Variants in PDE5A observed in about 807,000 individuals in gnomAD.
PDE5A encodes the protein cGMP-specific 3',5'-cyclic phosphodiesterase.
A neutral mutation model predicts 110.2 loss-of-function variants in PDE5A; 67 were observed. The ratio of observed to expected loss-of-function variants is 0.61; its 90% CI spans 0.50 to 0.75. PDE5A has a LOEUF of 0.75. Ranked by LOEUF, PDE5A falls within the 30% of genes least tolerant of loss-of-function variation. The pLI, the probability that PDE5A is intolerant of heterozygous loss-of-function variation, is 0.00. For synonymous variants in PDE5A, 328 were observed against 351.2 expected (o/e 0.93, Z 0.74); for missense variants, 862 against 1,045.1 (o/e 0.82, Z 2.42).
At chr4:119,568,433 G>C (rs59732491) in intron 3 of PDE5A, among the ~76,000 whole-genome samples, 39,133 of 152,006 alleles carry the variant, frequency 0.26, 5,220 homozygotes, top group East Asian at 0.38. Flanking sequence ...GTATAATTTG[G>C]TTATTTTAAA....
intron 3 of PDE5A, among the ~76,000 whole-genome samples, chr4:119,579,856 C>CACG (rs1448211294): frequency 6.6e-6 from 1 of 151,762 alleles, no homozygotes; most frequent in African/African-American, 2.4e-5. Flanking sequence ...AAAAAAAGAT[C>CACG]TGTGAGTTTC....
At chr4:119,536,527 T>C (rs1480940) in intron 11 of PDE5A, among the ~76,000 whole-genome samples, 40,010 of 152,080 alleles carry the variant, frequency 0.26, 5,396 homozygotes, top group East Asian at 0.38. Flanking sequence ...TGAAAAACTG[T>C]TCATCACTTC....
chr4:119,547,456 A>G (rs1406057265), intron 9 of PDE5A, among the ~76,000 whole-genome samples: 2 of 151,310 alleles, frequency 1.3e-5, no homozygotes, highest in African/African-American at 4.9e-5. Flanking sequence ...CTTCTCATGT[A>G]TATACTTATT....
intron 14 of PDE5A, among the ~76,000 whole-genome samples, chr4:119,511,999 A>C (rs1725759369): frequency 6.6e-6 from 1 of 152,104 alleles, no homozygotes; most frequent in African/African-American, 2.4e-5. Context: ...CTGTTCATAA[A>C]ATTTATAGGA....
chr4:119,505,421 G>C (rs1430069978), intron 17 of PDE5A, among the ~76,000 whole-genome samples: 2 of 151,928 alleles, frequency 1.3e-5, no homozygotes, highest in African/African-American at 4.8e-5. Flanking sequence ...TAATCATAGA[G>C]ACTTAATAGT....
Position 119,501,227 on chromosome 4 carries a change from G to GT in PDE5A, c.2432dup (p.Asn811LysfsTer20). The GT allele has an allele frequency of 1.9e-6, 3 of 1,610,502 alleles. No individual in the cohort carries two copies. Among genetic ancestry groups the GT allele is most frequent in the Non-Finnish European group, 2.5e-6 (3 of 1,176,950 alleles). On this transcript the variant is annotated frameshift_variant, in exon 20 of 21. Transcript: ENST00000354960. LOFTEE classifies it high-confidence loss of function. Reference sequence around the variant, plus strand: ...ACCCAACTTGCATACTTGGGATTTTGTTTTTCTTCTCCCTGTTCATTAGAT... The same window carrying GT: ...ACCCAACTTGCATACTTGGGATTTTGTTTTTTCTTCTCCCTGTTCATTAGAT...
intron 3 of PDE5A, among the ~76,000 whole-genome samples, chr4:119,593,221 A>T (rs1178117243): frequency 6.6e-6 from 1 of 152,218 alleles, no homozygotes; most frequent in Non-Finnish European, 1.5e-5. Context: ...CTGCCCTCCT[A>T]TGTATTTACC....
In PDE5A at chr4:119,498,634, A is replaced by G; in HGVS notation, c.2595T>C (p.Ile865=). The change falls in exon 21 of 21, where the codon ATT becomes ATC. Residue 865 remains isoleucine (I), a synonymous_variant. Coordinates refer to ENST00000354960, the MANE Select transcript of PDE5A (RefSeq NM_001083.4). Reference sequence around the variant, plus strand: ...GCTTGGCCTGGCCGCTTTCCCCATTAATCAGCATCTTCTCCTGCTGTTCTG... The same window carrying G: ...GCTTGGCCTGGCCGCTTTCCCCATTGATCAGCATCTTCTCCTGCTGTTCTG... ...ALAEQQEKML[I]NGESGQAKRN is the part of the protein sequence containing the mutation. The G allele has an allele frequency of 1.2e-6, 2 of 1,613,982 alleles. No individual in the cohort carries two copies. The highest frequency in any genetic ancestry group is 1.3e-5 in the African/African-American group (1 of 75,026).
chr4:119,539,552 C>A (rs1464141114), intron 10 of PDE5A, among the ~76,000 whole-genome samples: 1 of 152,086 alleles, frequency 6.6e-6, no homozygotes, highest in African/African-American at 2.4e-5. Context: ...ATTTAAGGAT[C>A]CCTTTACACT....
chr4:119,599,880 T>C (rs950347808), intron 2 of PDE5A, among the ~76,000 whole-genome samples: 2 of 151,932 alleles, frequency 1.3e-5, no homozygotes, highest in African/African-American at 2.4e-5. Context: ...GGGTGAAACA[T>C]ATAAGTTGAA....
Position 119,606,873 on chromosome 4 carries a change from C to A in PDE5A, c.577G>T (p.Asp193Tyr). The part of the protein sequence containing the change: ...DRYSLFLVCE[D>Y]SSNDKFLISR... ...ATAAGAAACTTGTCATTGGAGCTGT[C>A]TTCACAGACAAGGAACAGGGAATAG... is the stretch of plus-strand genomic sequence containing the variant. The change falls in exon 2 of 21, where the codon GAC (aspartate) becomes TAC (tyrosine). Residue 193 changes from aspartate (D) to tyrosine (Y), a missense_variant. Asp to Tyr is a radical substitution (Grantham distance 160). Transcript: ENST00000354960. 6.2e-7 allele frequency: 1 copy of A among 1,614,228 alleles called. No homozygotes were observed. Among genetic ancestry groups the A allele is most frequent in the Non-Finnish European group, 8.5e-7 (1 of 1,180,046 alleles).
chr4:119,589,019 T>C (rs947076463), intron 3 of PDE5A, among the ~76,000 whole-genome samples: 4 of 152,192 alleles, frequency 2.6e-5, no homozygotes, highest in Non-Finnish European at 5.9e-5. Context: ...ACTGAATTTC[T>C]ACTTAATAAC....
chr4:119,597,627 T>C (rs1476089849), intron 2 of PDE5A, among the ~76,000 whole-genome samples: 1 of 152,142 alleles, frequency 6.6e-6, no homozygotes, highest in Non-Finnish European at 1.5e-5. Context: ...ATAGCATCAC[T>C]GCTCCAAAAA....
chr4:119,574,877 A>G (rs1352354836), intron 3 of PDE5A, among the ~76,000 whole-genome samples: 1 of 152,210 alleles, frequency 6.6e-6, no homozygotes, highest in African/African-American at 2.4e-5. Flanking sequence ...GGTGGTGAGG[A>G]CTGATTAGGG....
intron 8 of PDE5A, 96 bp from the exon 9 acceptor site, chr4:119,552,733 CTATA>C: frequency 1.7e-6 from 1 of 587,784 alleles, no homozygotes; most frequent in Non-Finnish European, 2.9e-6. Flanking sequence ...TTTGAAAGCA[CTATA>C]TATTCAACTT....
chr4:119,563,359 T>C (rs111658129), intron 5 of PDE5A, among the ~76,000 whole-genome samples: 4,574 of 152,324 alleles, frequency 0.03, 89 homozygotes, highest in South Asian at 0.068. Context: ...TTAATGTTGT[T>C]CCAAACTTTT....
chr4:119,580,152 T>C (rs1728538739), intron 3 of PDE5A, among the ~76,000 whole-genome samples: 1 of 152,146 alleles, frequency 6.6e-6, no homozygotes, highest in South Asian at 2.1e-4. Flanking sequence ...ATGCTTGGCA[T>C]AATTATTGAT....
chr4:119,611,743 T>G (rs1338140537), intron 1 of PDE5A, among the ~76,000 whole-genome samples: 1 of 152,250 alleles, frequency 6.6e-6, no homozygotes, highest in Non-Finnish European at 1.5e-5. Context: ...ACAATCCGTA[T>G]TAACCACCAG....
At chr4:119,511,415 C>CA (rs1725739542) in intron 14 of PDE5A, among the ~76,000 whole-genome samples, 1 of 151,822 alleles carries the variant, frequency 6.6e-6, no homozygotes, top group Admixed American at 6.6e-5. Flanking sequence ...GGAGTAAAGA[C>CA]AAAAAAATTA....
Sources: allele counts gnomAD v4.1 joint callset (sites outside exome capture counted in the v4.1 genomes callset), GRCh38; gene constraint gnomAD v4.1.1; transcripts MANE v1.5; gene names NCBI Gene and HGNC (gene_info 2026-07-23, HGNC 2026-07-21).